The following STMN3 variants were observed in gnomAD, a reference collection of about 807,000 sequenced individuals.
STMN3 encodes stathmin 3, also known as stathmin-3.
A neutral mutation model predicts 23.2 loss-of-function variants in STMN3; 24 were observed. The ratio of observed to expected loss-of-function variants is 1.03; its 90% CI spans 0.75 to 1.45. The LOEUF (loss-of-function observed/expected upper bound fraction) is 1.45. Ranked by LOEUF, STMN3 falls within the 40% of genes most tolerant of loss-of-function variation. The pLI, the probability that STMN3 is intolerant of heterozygous loss-of-function variation, is 0.00. For synonymous variants in STMN3, 117 were observed against 103.4 expected, an observed-to-expected ratio of 1.13 and a Z score of -0.80; for missense variants, 235 against 237.6, an observed-to-expected ratio of 0.99 and a Z score of 0.07.
intron 1 of STMN3, among the ~76,000 whole-genome samples, chr20:63,645,160 C>G (rs909654986): frequency 6.6e-6 from 1 of 152,180 alleles, no homozygotes; most frequent in South Asian, 2.1e-4. Context: ...TCTCTCTCCC[C>G]TCCTCCTCCT....
Position 63,650,402 on chromosome 20 carries a change from G to A in STMN3, c.19+2925C>T, listed in dbSNP as rs1251199142. Among the ~76,000 whole-genome samples the A allele has an allele frequency of 2.0e-5, 3 of 152,110 alleles. No individual in the cohort carries two copies. In the East Asian group the frequency reaches 5.8e-4, roughly 29 times the overall value. ...GGTTGGCCTCAAGCAGCAGGGTATA[G>A]TAGTGCCCGCTCCCAGGGTCACACC... On this transcript the variant is annotated intron_variant, in intron 1 of 4. Transcript: ENST00000370053.
intron 1 of STMN3, among the ~76,000 whole-genome samples, chr20:63,651,975 C>T (rs1464387646): frequency 6.6e-6 from 1 of 152,176 alleles, no homozygotes; most frequent in East Asian, 1.9e-4. Flanking sequence ...CGGCGCTGCC[C>T]TCAGGGGCAG....
chr20:63,643,609 A>C (rs1263395094), intron 3 of STMN3, 147 bp downstream of exon 3: 10 of 1,352,052 alleles, frequency 7.4e-6, no homozygotes, highest in African/African-American at 1.5e-5. Flanking sequence ...ATCTCTCAGA[A>C]AGAGGCCCAG....
At chr20:63,647,574 C>A (rs1456651664) in intron 1 of STMN3, among the ~76,000 whole-genome samples, 2 of 149,356 alleles carry the variant, frequency 1.3e-5, no homozygotes, top group African/African-American at 4.9e-5. Context: ...TGAGATCACG[C>A]CACTGCACTC....
chr20:63,641,638 G>C (rs1321353091), intron 4 of STMN3, among the ~76,000 whole-genome samples: 1 of 152,198 alleles, frequency 6.6e-6, no homozygotes, highest in African/African-American at 2.4e-5. Context: ...TACCGGAGCC[G>C]AGCTTCCTTC....
At position 63,652,497 on chromosome 20, in the gene STMN3, C is replaced by CT; in HGVS notation, c.19+829_19+830insA. On this transcript the variant is annotated intron_variant, in intron 1 of 4. Transcript: ENST00000370053. The surrounding 1 kb of genome is among the most constrained non-coding windows in gnomAD (Gnocchi z 5.3). ...CAGCTCCCCTGCGTCCAGAATCCGC[C>CT]CCCCGCCCGGGCCTGCGCCCGCCCC... 1.1e-6 allele frequency: 1 copy of CT among 898,648 alleles called. No homozygotes were observed. The highest frequency in any genetic ancestry group is 1.2e-4 in the East Asian group (1 of 8,408). The allele number at this position is 898,648 out of a possible 1,614,324, so 55.7% of individuals were successfully genotyped here.
At position 63,643,829 on chromosome 20, in the gene STMN3, G is replaced by T; in HGVS notation, c.218C>A (p.Ser73Tyr). 6.4e-7 allele frequency: 1 copy of T among 1,565,086 alleles called. No individual in the cohort carries two copies. Residue 73 changes from serine (S) to tyrosine (Y), a missense_variant, in exon 3 of 5, where the codon TCC becomes TAC. By Grantham distance (144) the Ser-to-Tyr change is moderately radical. Transcript: ENST00000370053. ...DLSPESPMLS[S>Y]PPKKKDTSLE... ...GGAGGTGTCCTTCTTCTTGGGTGGG[G>T]AGGAGAGCATAGGGCTCTCTGGGGA... is the stretch of plus-strand genomic sequence containing the variant.
At position 63,646,621 on chromosome 20, in the gene STMN3, G is replaced by T. The variant is rs568634853; in HGVS notation, c.20-2312C>A. On this transcript the variant is annotated intron_variant, in intron 1 of 4. Coordinates refer to ENST00000370053, the MANE Select transcript of STMN3 (RefSeq NM_015894.4). Reference sequence around the variant, plus strand: ...GCCCGCCTCGACCTCCCAAAGTGCTGGGATTACAGGTGTGAGCCACTGTGC... The same window carrying T: ...GCCCGCCTCGACCTCCCAAAGTGCTTGGATTACAGGTGTGAGCCACTGTGC... Among the ~76,000 whole-genome samples, 126 of 152,010 alleles carry T rather than the reference G, an allele frequency of 8.3e-4. 1 individual carries two copies. The highest frequency in any genetic ancestry group is 3.0e-3 in the African/African-American group (124 of 41,390).
At position 63,643,696 on chromosome 20, in the gene STMN3, T is replaced by C. The variant is rs2089785820; in HGVS notation, c.291+60A>G. On this transcript the variant is annotated intron_variant, in intron 3 of 4. Transcript: ENST00000370053. ...GGAGCACCCTGCTTCTTGCAGGCCCTGTCCCCGTGGGCCGCCTCCGTTGAA... is the reference window on the plus strand; with the variant it reads ...GGAGCACCCTGCTTCTTGCAGGCCCCGTCCCCGTGGGCCGCCTCCGTTGAA... The C allele has an allele frequency of 4.7e-6, 7 of 1,474,502 alleles. No individual in the cohort carries two copies. In the South Asian group the frequency reaches 8.8e-5, roughly 19 times the overall value. 91.3% of individuals were successfully genotyped at this position (1,474,502 alleles called of 1,614,324 possible). A position where few individuals can be genotyped will look rare whatever the true frequency, so the allele number is the denominator to read the frequency against.
At chr20:63,653,188 G>T (rs1246427420) in intron 1 of STMN3, 139 bp downstream of exon 1, 5 of 1,099,814 alleles carry the variant, frequency 4.5e-6, no homozygotes, top group African/African-American at 1.7e-5. Flanking sequence ...AGCCTCGGGC[G>T]GGTCGGGCCC....
Position 63,653,352 on chromosome 20 carries a change from G to A in STMN3, c.-7C>T. 6.5e-7 allele frequency: 1 copy of A among 1,547,482 alleles called. No homozygotes were observed. Among genetic ancestry groups the A allele is most frequent in the South Asian group, 1.2e-5 (1 of 84,042 alleles). ...CGGAAATGGTGCTGGCCATGGTGCT[G>A]GCGGCGGTTGGGCCTGCGGAGGCTG... On this transcript the variant is annotated 5_prime_UTR_variant, in exon 1 of 5. Transcript: ENST00000370053.
intron 1 of STMN3, among the ~76,000 whole-genome samples, chr20:63,645,732 C>T (rs1046793184): frequency 8.5e-5 from 13 of 152,182 alleles, no homozygotes; most frequent in Non-Finnish European, 1.5e-4. Context: ...GCAGGTGGAA[C>T]ACCTGAGGTC....
chr20:63,649,130 G>A (rs1363662105), intron 1 of STMN3, among the ~76,000 whole-genome samples: 1 of 152,152 alleles, frequency 6.6e-6, no homozygotes, highest in Non-Finnish European at 1.5e-5. Flanking sequence ...GCTTCTCCCA[G>A]CTGGTGGCCC....
intron 1 of STMN3, among the ~76,000 whole-genome samples, chr20:63,644,871 C>A (rs78801869): frequency 5.3e-5 from 8 of 152,308 alleles, no homozygotes; most frequent in African/African-American, 1.9e-4. Context: ...CTGCCGGCAC[C>A]TTGATCCTGG....
In STMN3 at chr20:63,641,050, C is replaced by T. The variant is rs190188863; in HGVS notation, c.*288G>A. 6.1e-4 allele frequency: 316 copies of T among 516,166 alleles called. 3 individuals are homozygous for T. In the East Asian group the frequency reaches 0.011, roughly 17 times the overall value. 32.0% of individuals were successfully genotyped at this position (516,166 alleles called of 1,614,324 possible). The stretch of plus-strand genomic sequence containing the variant: ...CCACGCCACCGCCCTGGGTTTACCA[C>T]GGTCACCGCCACCTCTCTCACAGGG... On this transcript the variant is annotated 3_prime_UTR_variant, in exon 5 of 5. Coordinates refer to ENST00000370053, the MANE Select transcript of STMN3 (RefSeq NM_015894.4).
intron 1 of STMN3, among the ~76,000 whole-genome samples, chr20:63,648,290 A>G (rs750489993): frequency 3.7e-4 from 56 of 151,926 alleles, no homozygotes; most frequent in Non-Finnish European, 7.2e-4. Context: ...AGCAAGAGGG[A>G]GTTTGGGCTG....
chr20:63,640,229 C>A lies in STMN3; in HGVS notation c.*1109G>T. ...AGACAGCCTCCCCCACCGCCATCCTCCAGCTGACCGTCCTCCAAGGCCAGC... is the reference window on the plus strand; with the variant it reads ...AGACAGCCTCCCCCACCGCCATCCTACAGCTGACCGTCCTCCAAGGCCAGC... On this transcript the variant is annotated 3_prime_UTR_variant, in exon 5 of 5. Coordinates refer to ENST00000370053, the MANE Select transcript of STMN3 (RefSeq NM_015894.4). 1 of 152,988 alleles carries A rather than the reference C, an allele frequency of 6.5e-6. No individual in the cohort carries two copies. The allele number at this position is 152,988 out of a possible 1,614,324, so 9.5% of individuals were successfully genotyped here.
intron 1 of STMN3, among the ~76,000 whole-genome samples, chr20:63,647,376 A>G (rs2089817113): frequency 2.0e-5 from 3 of 149,850 alleles, no homozygotes; most frequent in Non-Finnish European, 4.4e-5. Context: ...CAGAACTTTG[A>G]GGGGCCAAGG....
rs1168220652 is a variant in STMN3 at position 63,652,258 on chromosome 20, G to C, written c.19+1069C>G. ...GCGCCCGAGTTGAACCAGTCAGCTC[G>C]GGAGAGGGACCGCGGCGACCTGTCC... On this transcript the variant is annotated intron_variant, in intron 1 of 4. Coordinates refer to ENST00000370053, the MANE Select transcript of STMN3 (RefSeq NM_015894.4). The surrounding 1 kb of genome is among the most constrained non-coding windows in gnomAD (Gnocchi z 5.3). 6.6e-6 allele frequency: 1 copy of C among 152,256 alleles called. No homozygotes were observed. The highest frequency in any genetic ancestry group is 1.5e-5 in the Non-Finnish European group (1 of 68,098). The allele number at this position is 152,256 out of a possible 1,614,324, so 9.4% of individuals were successfully genotyped here. A position where few individuals can be genotyped will look rare whatever the true frequency, so the allele number is the denominator to read the frequency against.
Sources: allele counts gnomAD v4.1 joint callset (sites outside exome capture counted in the v4.1 genomes callset), GRCh38; gene constraint gnomAD v4.1.1; non-coding constraint Gnocchi (gnomAD v3.1); transcripts MANE v1.5; gene names NCBI Gene and HGNC (gene_info 2026-07-23, HGNC 2026-07-21).